The following C3orf33 variants were observed in gnomAD, a reference collection of about 807,000 sequenced individuals.
C3orf33 encodes the protein mitochondrial inner membrane subdomain organizer 1.
Under a neutral mutation model 28.7 loss-of-function variants are expected in C3orf33, and 23 were observed. That is an observed-to-expected ratio of 0.80 (90% CI 0.58 to 1.13). The LOEUF is 1.13. C3orf33 is among the 50% of genes most tolerant of loss of function. C3orf33 has a pLI of 0.00. For synonymous variants in C3orf33, 119 were observed against 120.5 expected, an observed-to-expected ratio of 0.99 and a Z score of 0.08; for missense variants, 327 against 353.4, an observed-to-expected ratio of 0.93 and a Z score of 0.60.
In C3orf33 at chr3:155,763,651, T is replaced by C. The variant is rs113890115; in HGVS notation, c.751A>G (p.Ser251Gly). ...TCATAATAACTTTCTTTTTTCAAGC[T>C]GAAATCTGATCCTGTTGTTTTTAAA... ...SFLKTTGSDF[S>G]LKKESYYEKL... The change falls in exon 5 of 5, where the codon AGC becomes GGC. Residue 251 changes from serine to glycine, a missense_variant. By Grantham distance (56) the Ser-to-Gly change is moderately conservative. Coordinates refer to ENST00000340171, the MANE Select transcript of C3orf33 (RefSeq NM_001308229.2). 6.3e-7 allele frequency: 1 copy of C among 1,596,504 alleles called. No homozygotes were observed. Among genetic ancestry groups the C allele is most frequent in the Non-Finnish European group, 8.5e-7 (1 of 1,175,756 alleles).
chr3:155,777,181 G>A (rs1577418799), intron 2 of C3orf33, among the ~76,000 whole-genome samples: 2 of 151,994 alleles, frequency 1.3e-5, no homozygotes, highest in East Asian at 3.9e-4. Flanking sequence ...GGGCGTGGTG[G>A]TGCATGCCTG....
chr3:155,799,876 T>C (rs1751590091), intron 2 of C3orf33, among the ~76,000 whole-genome samples: 1 of 152,014 alleles, frequency 6.6e-6, no homozygotes, highest in Non-Finnish European at 1.5e-5. Flanking sequence ...AAAATTGAAT[T>C]CATGGAGACA....
intron 2 of C3orf33, among the ~76,000 whole-genome samples, chr3:155,776,137 T>A (rs887911866): frequency 6.6e-6 from 1 of 152,120 alleles, no homozygotes; most frequent in African/African-American, 2.4e-5. Context: ...TCAAAAGACA[T>A]TGAGTATCTA....
intron 2 of C3orf33, among the ~76,000 whole-genome samples, chr3:155,790,562 A>C (rs1411251283): frequency 2.0e-5 from 3 of 152,166 alleles, no homozygotes; most frequent in Admixed American, 6.6e-5. Context: ...TTAACACTGA[A>C]TAGAACAGAA....
intron 2 of C3orf33, among the ~76,000 whole-genome samples, chr3:155,783,142 C>T (rs1467393554): frequency 6.6e-6 from 1 of 151,516 alleles, no homozygotes; most frequent in African/African-American, 2.4e-5. Context: ...ATAAGGGATA[C>T]TCAACCCATT....
At chr3:155,783,529 C>T (rs954483934) in intron 2 of C3orf33, among the ~76,000 whole-genome samples, 6 of 148,016 alleles carry the variant, frequency 4.1e-5, no homozygotes, top group Non-Finnish European at 7.4e-5. Flanking sequence ...TGCAGTGGCA[C>T]GATCTTGGCT....
chr3:155,789,412 C>T (rs960924557), intron 2 of C3orf33, among the ~76,000 whole-genome samples: 2 of 150,778 alleles, frequency 1.3e-5, no homozygotes, highest in African/African-American at 4.9e-5. Flanking sequence ...AGGAATTAAC[C>T]AGGACAGTGA....
intron 4 of C3orf33, among the ~76,000 whole-genome samples, chr3:155,764,348 C>T (rs1042042670): frequency 6.6e-6 from 1 of 152,156 alleles, no homozygotes; most frequent in African/African-American, 2.4e-5. Context: ...ACTGAATCAT[C>T]ACTGAACTGT....
At chr3:155,773,051 T>C (rs1750639029) in intron 3 of C3orf33, among the ~76,000 whole-genome samples, 1 of 152,122 alleles carries the variant, frequency 6.6e-6, no homozygotes, top group Non-Finnish European at 1.5e-5. Flanking sequence ...TGAGCTCCAT[T>C]TTTAGGACCT....
At chr3:155,784,106 T>C (rs1375071171) in intron 2 of C3orf33, among the ~76,000 whole-genome samples, 1 of 151,832 alleles carries the variant, frequency 6.6e-6, no homozygotes, top group African/African-American at 2.4e-5. Flanking sequence ...TAATTTTGTA[T>C]TTTTAGTAGA....
chr3:155,773,142 C>T (rs535317735), intron 3 of C3orf33, among the ~76,000 whole-genome samples: 1 of 152,152 alleles, frequency 6.6e-6, no homozygotes, highest in South Asian at 2.1e-4. Flanking sequence ...GAGAGGAACA[C>T]AGGAGCTTTT....
At chr3:155,802,068 G>A (rs1751666495) in intron 2 of C3orf33, among the ~76,000 whole-genome samples, 1 of 151,972 alleles carries the variant, frequency 6.6e-6, no homozygotes, top group Admixed American at 6.6e-5. Context: ...TTGTTTAATG[G>A]GCATAGAAAA....
chr3:155,776,514 T>C (rs1253131320), intron 2 of C3orf33, among the ~76,000 whole-genome samples: 2 of 152,088 alleles, frequency 1.3e-5, no homozygotes, highest in Non-Finnish European at 2.9e-5. Context: ...CCAGGCACGA[T>C]GGCTTATGCC....
chr3:155,767,446 A>G (rs574328504), intron 4 of C3orf33, 63 bp downstream of exon 4: 12 of 1,228,364 alleles, frequency 9.8e-6, no homozygotes, highest in Non-Finnish European at 1.3e-5. Flanking sequence ...TAATTAAATA[A>G]GTGTTTACAT....
chr3:155,775,506 A>G (rs112673293), intron 3 of C3orf33, among the ~76,000 whole-genome samples, 195 bp downstream of exon 3: 3,557 of 151,678 alleles, frequency 0.023, 146 homozygotes, highest in African/African-American at 0.081. Flanking sequence ...AAAAAAAGGA[A>G]CGAAAGAAGA....
intron 4 of C3orf33, among the ~76,000 whole-genome samples, chr3:155,766,878 A>G (rs538526953): frequency 3.9e-5 from 6 of 152,190 alleles, no homozygotes; most frequent in Non-Finnish European, 7.3e-5. Flanking sequence ...TAAACCTGGG[A>G]GGCAGAGATT....
intron 2 of C3orf33, among the ~76,000 whole-genome samples, chr3:155,782,877 C>T (rs1264045247): frequency 6.6e-6 from 1 of 152,186 alleles, no homozygotes; most frequent in Admixed American, 6.5e-5. Flanking sequence ...CAGTTTGTAA[C>T]TCCACTTTTT....
At chr3:155,803,564 C>CA (rs63676264) in intron 1 of C3orf33, among the ~76,000 whole-genome samples, 39,512 of 53,844 alleles carry the variant, frequency 0.73, 14,765 homozygotes, top group Middle Eastern at 0.83. Flanking sequence ...GACTCAGTCT[C>CA]AAAAAAAAAA....
intron 2 of C3orf33, among the ~76,000 whole-genome samples, chr3:155,791,347 T>C (rs1305930695): frequency 6.6e-6 from 1 of 152,126 alleles, no homozygotes; most frequent in Non-Finnish European, 1.5e-5. Flanking sequence ...GCTGTGGGCC[T>C]TGGGTAAGAT....
Sources: gnomAD v4.1 joint callset for allele counts (sites outside exome capture counted in the v4.1 genomes callset) on GRCh38, gnomAD v4.1.1 for gene constraint, MANE v1.5 for transcripts, NCBI Gene and HGNC (gene_info 2026-07-23, HGNC 2026-07-21) for gene names.